The following PPFIA1 variants were observed in gnomAD, a reference collection of about 807,000 sequenced individuals.
The protein encoded by PPFIA1 is liprin-alpha-1.
Under a neutral mutation model 149.9 loss-of-function variants are expected in PPFIA1, and 25 were observed. The ratio of observed to expected loss-of-function variants is 0.17; its 90% CI spans 0.12 to 0.23. The LOEUF is 0.23. Ranked by LOEUF, PPFIA1 falls within the 10% of genes least tolerant of loss-of-function variation. The pLI, the probability that PPFIA1 is intolerant of heterozygous loss-of-function variation, is 1.00. For missense variants in PPFIA1, 1,362 were observed against 1,506.5 expected, an observed-to-expected ratio of 0.90 and a Z score of 1.59; for synonymous variants, 549 against 552.8, an observed-to-expected ratio of 0.99 and a Z score of 0.10.
chr11:70,330,080 TG>T, intron 7 of PPFIA1, 92 bp from the exon 8 acceptor site: 1 of 1,176,678 alleles, frequency 8.5e-7, no homozygotes, highest in Non-Finnish European at 1.2e-6. Context: ...ATTGGAAATT[TG>T]GGATTTACTT....
chr11:70,326,346 C>A lies in PPFIA1; in HGVS notation c.691C>A (p.Pro231Thr), dbSNP rs748111587. 6 of 1,602,622 alleles carry A rather than the reference C, an allele frequency of 3.7e-6. No homozygotes were observed. The highest frequency in any genetic ancestry group is 4.3e-6 in the Non-Finnish European group (5 of 1,171,266). ...CATAAACCATGAACAAGAAAATACA[C>A]CAAGCACGAGTGGAAAGGCAAGTCT... is the stretch of plus-strand genomic sequence containing the variant. ...LDINHEQENT[P>T]STSGKRSSDG... is the part of the protein sequence containing the mutation. The change falls in exon 6 of 28, where the codon CCA (proline) becomes ACA (threonine). Residue 231 changes from proline (P) to threonine (T), a missense_variant. Transcript: ENST00000253925.
At chr11:70,363,117 G>A (rs1217309464) in intron 21 of PPFIA1, 2 of 152,210 alleles carry the variant, frequency 1.3e-5, no homozygotes, top group African/African-American at 4.8e-5. Context: ...AATGTTACTG[G>A]AATATAATAT....
At chr11:70,283,639 G>A (rs2050911710) in intron 2 of PPFIA1, among the ~76,000 whole-genome samples, 1 of 152,120 alleles carries the variant, frequency 6.6e-6, no homozygotes, top group African/African-American at 2.4e-5. Context: ...TGGGCATGAA[G>A]TGTTACAGCC....
intron 10 of PPFIA1, among the ~76,000 whole-genome samples, chr11:70,334,125 A>C (rs2054830677): frequency 6.6e-6 from 1 of 152,118 alleles, no homozygotes; most frequent in South Asian, 2.1e-4. Flanking sequence ...GAATCCTAAG[A>C]TTGTTTTCCT....
chr11:70,284,450 G>C (rs1178071126), intron 2 of PPFIA1, among the ~76,000 whole-genome samples: 1 of 152,034 alleles, frequency 6.6e-6, no homozygotes, highest in East Asian at 1.9e-4. Context: ...CTATTTTGTT[G>C]AGCCCTGTGT....
chr11:70,294,395 C>G (rs1225760373), intron 2 of PPFIA1, among the ~76,000 whole-genome samples: 1 of 152,108 alleles, frequency 6.6e-6, no homozygotes, highest in South Asian at 2.1e-4. Context: ...TCCAGTGTTT[C>G]TGCTGAAGGG....
chr11:70,380,989 T>C (rs2135489498), intron 26 of PPFIA1: 1 of 152,158 alleles, frequency 6.6e-6, no homozygotes, highest in South Asian at 2.1e-4. Flanking sequence ...TTTGTAGAGA[T>C]GGGCTCTCAC....
At chr11:70,287,849 G>A (rs1404003874) in intron 2 of PPFIA1, among the ~76,000 whole-genome samples, 2 of 151,944 alleles carry the variant, frequency 1.3e-5, no homozygotes, top group South Asian at 2.1e-4. Flanking sequence ...GTCTCCCTAT[G>A]TGCCCCAGGC....
At chr11:70,367,089 TCAGTATGAAATTGCC>T (rs1293209118) in intron 21 of PPFIA1, among the ~76,000 whole-genome samples, 1 of 152,244 alleles carries the variant, frequency 6.6e-6, no homozygotes, top group Non-Finnish European at 1.5e-5. Flanking sequence ...GGTTAATACT[TCAGTATGAAATTGCC>T]TGAGTCAGGG....
At chr11:70,308,398 C>G (rs2053019666) in intron 2 of PPFIA1, among the ~76,000 whole-genome samples, 1 of 152,164 alleles carries the variant, frequency 6.6e-6, no homozygotes, top group Non-Finnish European at 1.5e-5. Context: ...TGATTTCATG[C>G]TTTGAAGACA....
intron 7 of PPFIA1, among the ~76,000 whole-genome samples, chr11:70,329,642 A>G (rs1231263980): frequency 6.6e-6 from 1 of 152,166 alleles, no homozygotes; most frequent in Non-Finnish European, 1.5e-5. Flanking sequence ...GTTTTTGGCC[A>G]GGGACACTGG....
intron 14 of PPFIA1, among the ~76,000 whole-genome samples, chr11:70,341,592 A>C (rs1004300764): frequency 7.2e-5 from 11 of 152,160 alleles, no homozygotes; most frequent in Non-Finnish European, 1.5e-4. Context: ...CACAGTCTGG[A>C]ACCCAAGAGA....
chr11:70,290,919 CT>C, intron 2 of PPFIA1, among the ~76,000 whole-genome samples: 1 of 152,156 alleles, frequency 6.6e-6, no homozygotes, highest in East Asian at 1.9e-4. Context: ...CAGTTTCACT[CT>C]TGTTGCCCAG....
intron 2 of PPFIA1, among the ~76,000 whole-genome samples, chr11:70,294,999 C>A (rs966979251): frequency 6.6e-6 from 1 of 152,210 alleles, no homozygotes; most frequent in Non-Finnish European, 1.5e-5. Flanking sequence ...AATCTTTTCC[C>A]CGCCTTTCCC....
At chr11:70,340,325 G>T (rs907317374) in intron 14 of PPFIA1, among the ~76,000 whole-genome samples, 2 of 152,040 alleles carry the variant, frequency 1.3e-5, no homozygotes, top group African/African-American at 4.8e-5. Flanking sequence ...TGCAGTCCCA[G>T]CTATTCTTGG....
chr11:70,382,463 G>C (rs1277447179), intron 27 of PPFIA1, among the ~76,000 whole-genome samples: 1 of 152,126 alleles, frequency 6.6e-6, no homozygotes, highest in Non-Finnish European at 1.5e-5. Flanking sequence ...GTGGGGAGGA[G>C]AGCAGAGCAT....
At chr11:70,376,427 A>G (rs896002917) in intron 24 of PPFIA1, 105 bp from the exon 25 acceptor site, 47 of 1,119,372 alleles carry the variant, frequency 4.2e-5, no homozygotes, top group Admixed American at 1.3e-4. Context: ...AGACCCAGCC[A>G]GCAGTGAGGG....
At chr11:70,375,720 G>C (rs1241319988) in intron 24 of PPFIA1, 1 of 151,870 alleles carries the variant, frequency 6.6e-6, no homozygotes, top group Non-Finnish European at 1.5e-5. Flanking sequence ...GGCCCGGGAA[G>C]TGGAGGTTGT....
chr11:70,290,438 C>A (rs191819523), intron 2 of PPFIA1, among the ~76,000 whole-genome samples: 104 of 152,314 alleles, frequency 6.8e-4, no homozygotes, highest in African/African-American at 2.5e-3. Context: ...TGCCTTCTTT[C>A]ACTCTCAGAA....
Sources: gnomAD v4.1 joint callset for allele counts (sites outside exome capture counted in the v4.1 genomes callset) on GRCh38, gnomAD v4.1.1 for gene constraint, MANE v1.5 for transcripts, NCBI Gene and HGNC (gene_info 2026-07-23, HGNC 2026-07-21) for gene names.